The following SGCD variants were observed in gnomAD, a reference collection of about 807,000 sequenced individuals.
SGCD encodes the protein delta-sarcoglycan.
SGCD carries 18 observed loss-of-function variants against 36.6 expected under a neutral mutation model. The ratio of observed to expected loss-of-function variants is 0.49; its 90% confidence interval spans 0.34 to 0.73. The LOEUF (loss-of-function observed/expected upper bound fraction) is 0.73. Among genes scored for constraint, SGCD ranks in the 30% least tolerant of loss-of-function variants. SGCD has a pLI of 0.01. For synonymous variants in SGCD, 133 were observed against 130.6 expected (o/e 1.02, Z -0.12); for missense variants, 387 against 346.7 (o/e 1.12, Z -0.92).
chr5:156,598,235 G>A (rs550754789), intron 6 of SGCD, among the ~76,000 whole-genome samples: 2 of 152,218 alleles, frequency 1.3e-5, no homozygotes, highest in South Asian at 4.2e-4. Context: ...GAGACTTCGA[G>A]CTATCCTCAT....
intron 2 of SGCD, among the ~76,000 whole-genome samples, chr5:156,333,093 G>A (rs1437349429): frequency 1.3e-5 from 2 of 152,120 alleles, no homozygotes; most frequent in Admixed American, 6.6e-5. Flanking sequence ...GACCAAAAAC[G>A]AGATGAGCAT....
chr5:156,357,677 G>A (rs1251140409), intron 3 of SGCD, among the ~76,000 whole-genome samples: 2 of 152,158 alleles, frequency 1.3e-5, no homozygotes, highest in African/African-American at 4.8e-5. Flanking sequence ...CATGTAAACT[G>A]CTTGTTGCTT....
At chr5:155,742,649 C>T in the SGCD span, among the ~76,000 whole-genome samples, 1 of 152,176 alleles carries the variant, frequency 6.6e-6, no homozygotes, top group Non-Finnish European at 1.5e-5. Context: ...TGGTTCCCCC[C>T]ACCCACCTCA....
intron 3 of SGCD, among the ~76,000 whole-genome samples, chr5:156,291,128 G>A (rs1766746990): frequency 6.6e-6 from 1 of 152,096 alleles, no homozygotes; most frequent in South Asian, 2.1e-4. Context: ...TATTGAGTTG[G>A]TTCAGTGGGT....
At chr5:156,089,559 A>T (rs1253736715) in intron 1 of SGCD, among the ~76,000 whole-genome samples, 2 of 152,168 alleles carry the variant, frequency 1.3e-5, no homozygotes, top group African/African-American at 4.8e-5. Context: ...ATATGCCTCG[A>T]CCCATCCCCA....
intron 3 of SGCD, among the ~76,000 whole-genome samples, chr5:156,202,404 G>A (rs1021475327): frequency 1.3e-5 from 2 of 152,070 alleles, no homozygotes; most frequent in Non-Finnish European, 2.9e-5. Context: ...CTGATTAAAT[G>A]GGTCTGAGCT....
At chr5:156,655,893 A>G (rs1316869570) in intron 7 of SGCD, among the ~76,000 whole-genome samples, 3 of 152,124 alleles carry the variant, frequency 2.0e-5, no homozygotes, top group East Asian at 1.9e-4. Flanking sequence ...GAAACAGGAA[A>G]TAGGCCATTC....
At chr5:155,982,551 C>A (rs992363469) in intron 1 of SGCD, among the ~76,000 whole-genome samples, 1 of 152,158 alleles carries the variant, frequency 6.6e-6, no homozygotes, top group Non-Finnish European at 1.5e-5. Flanking sequence ...TCCCTCGCTG[C>A]CCTTCCTCAG....
intron 2 of SGCD, among the ~76,000 whole-genome samples, chr5:156,339,460 A>G (rs1224755627): frequency 1.3e-5 from 2 of 152,238 alleles, no homozygotes; most frequent in Admixed American, 1.3e-4. Context: ...ACTAGAGAAT[A>G]TACTTTACTG....
chr5:156,644,475 C>A (rs796333273), intron 6 of SGCD, among the ~76,000 whole-genome samples: 5 of 150,590 alleles, frequency 3.3e-5, no homozygotes, highest in Non-Finnish European at 5.9e-5. Context: ...TTATCTATTA[C>A]GAGATTTATT....
At chr5:156,144,584 T>A (rs1185630886) in intron 3 of SGCD, among the ~76,000 whole-genome samples, 1 of 152,214 alleles carries the variant, frequency 6.6e-6, no homozygotes, top group Non-Finnish European at 1.5e-5. Flanking sequence ...TTGATGGGGT[T>A]GTTTGTTTTT....
At chr5:156,420,783 C>T (rs1302574788) in intron 3 of SGCD, among the ~76,000 whole-genome samples, 1 of 152,050 alleles carries the variant, frequency 6.6e-6, no homozygotes, top group Non-Finnish European at 1.5e-5. Flanking sequence ...AGATGCTTTC[C>T]ACTGTAAGAA....
chr5:156,359,206 TA>T (rs879472467), intron 3 of SGCD, among the ~76,000 whole-genome samples: 1 of 152,220 alleles, frequency 6.6e-6, no homozygotes, highest in Non-Finnish European at 1.5e-5. Context: ...AACTGGTTTA[TA>T]ACAGGTCTTT....
At chr5:156,366,300 G>T (rs1268844210) in intron 3 of SGCD, among the ~76,000 whole-genome samples, 1 of 152,154 alleles carries the variant, frequency 6.6e-6, no homozygotes, top group African/African-American at 2.4e-5. Context: ...TCAGAAGAAA[G>T]GTTTAGAAAA....
chr5:156,330,693 C>T (rs1768028304), intron 2 of SGCD, among the ~76,000 whole-genome samples: 1 of 152,150 alleles, frequency 6.6e-6, no homozygotes, highest in Non-Finnish European at 1.5e-5. Context: ...AATGCACATT[C>T]CATGGTGAGG....
chr5:156,562,506 T>G lies in SGCD; in HGVS notation c.295-26725T>G, dbSNP rs1054638995. 2.6e-5 allele frequency among the ~76,000 whole-genome samples: 4 copies of G among 152,162 alleles called. No individual in the cohort carries two copies. The East Asian group carries it at 5.8e-4, about 22-fold the overall frequency. ...CCCAGGGGACTGCAGCAAGAGATAG[T>G]CAGGCAGGTGGCGTGGACCTCCTAG... On this transcript the variant is annotated intron_variant, in intron 4 of 8. Transcript: ENST00000337851.
chr5:155,838,637 T>C, the SGCD span, among the ~76,000 whole-genome samples: 2 of 152,166 alleles, frequency 1.3e-5, no homozygotes, highest in African/African-American at 4.8e-5. Flanking sequence ...AATATAGTTT[T>C]CTTTTTAAAA....
At chr5:156,440,580 C>G (rs1753443093) in intron 3 of SGCD, among the ~76,000 whole-genome samples, 1 of 152,116 alleles carries the variant, frequency 6.6e-6, no homozygotes, top group Non-Finnish European at 1.5e-5. Flanking sequence ...TCTCCACCAG[C>G]AATATAAAAG....
intron 3 of SGCD, among the ~76,000 whole-genome samples, chr5:156,235,319 CTT>C (rs1247497578): frequency 6.6e-6 from 1 of 152,142 alleles, no homozygotes; most frequent in Non-Finnish European, 1.5e-5. Flanking sequence ...AATCATGTGA[CTT>C]TGGGATAATT....
Sources: allele counts gnomAD v4.1 joint callset (sites outside exome capture counted in the v4.1 genomes callset), GRCh38; gene constraint gnomAD v4.1.1; transcripts MANE v1.5; gene names NCBI Gene and HGNC (gene_info 2026-07-23, HGNC 2026-07-21).